The following PCNX2 variants were observed in gnomAD, a reference collection of about 807,000 sequenced individuals.
The protein encoded by PCNX2 is pecanex 2.
PCNX2 carries 168 observed loss-of-function variants against 223.8 expected under a neutral mutation model. That is an observed-to-expected ratio of 0.75 (90% CI 0.66 to 0.85). The LOEUF (loss-of-function observed/expected upper bound fraction) is 0.85, where lower values mean the gene tolerates loss of function less well. Ranked by LOEUF, PCNX2 falls within the 40% of genes least tolerant of loss-of-function variation. The pLI is 0.00. For synonymous variants in PCNX2, 1,006 were observed against 1,052.6 expected (o/e 0.96, Z 0.86); for missense variants, 2,507 against 2,675.5 (o/e 0.94, Z 1.39).
chr1:233,278,265 G>A (rs1023401014), intron 1 of PCNX2, among the ~76,000 whole-genome samples: 2 of 152,214 alleles, frequency 1.3e-5, no homozygotes, highest in South Asian at 4.1e-4. Context: ...ACAGTGGCAA[G>A]GGCAAACTGT....
the PCNX2 span, among the ~76,000 whole-genome samples, chr1:233,309,543 A>T: frequency 0.25 from 37,301 of 146,500 alleles, 5,428 homozygotes; most frequent in East Asian, 0.42. Flanking sequence ...TCCCTCAAAA[A>T]AATAATAATA....
rs1037731143 is a variant in PCNX2 at position 233,295,492 on chromosome 1, C to A, written c.-14G>T. The A allele has an allele frequency of 1.0e-5, 16 of 1,544,324 alleles. No homozygotes were observed. The highest frequency in any genetic ancestry group is 1.4e-5 in the Non-Finnish European group (16 of 1,144,202). On this transcript the variant is annotated 5_prime_UTR_variant, in exon 1 of 34. Transcript: ENST00000258229. The surrounding 1 kb of genome is among the most constrained non-coding windows in gnomAD (Gnocchi z 4.1). ...CTGGGACACCATGCCGGCTGCGCCCCGGGGCTGGTGAGCGCCCCGCTGCAC... is the reference window on the plus strand; with the variant it reads ...CTGGGACACCATGCCGGCTGCGCCCAGGGGCTGGTGAGCGCCCCGCTGCAC...
chr1:233,059,931 G>T (rs182172643), intron 23 of PCNX2, among the ~76,000 whole-genome samples: 1 of 152,202 alleles, frequency 6.6e-6, no homozygotes, highest in East Asian at 1.9e-4. Context: ...AAAGATATTT[G>T]GTTGGAACTA....
intron 23 of PCNX2, among the ~76,000 whole-genome samples, chr1:233,073,611 A>C (rs2357428): frequency 0.14 from 21,383 of 151,278 alleles, 1,939 homozygotes; most frequent in African/African-American, 0.25. Context: ...CTTTCTTATT[A>C]TTATTATTAT....
intron 25 of PCNX2, among the ~76,000 whole-genome samples, chr1:233,028,595 T>C (rs1248177042): frequency 6.6e-6 from 1 of 152,174 alleles, no homozygotes; most frequent in African/African-American, 2.4e-5. Context: ...TATTTTTAAA[T>C]AGCACAAAAC....
chr1:233,059,266 TC>T (rs1437545902), intron 23 of PCNX2, among the ~76,000 whole-genome samples: 1 of 152,206 alleles, frequency 6.6e-6, no homozygotes, highest in Non-Finnish European at 1.5e-5. Flanking sequence ...CCTGTACCTC[TC>T]TTTTGGAGCA....
In PCNX2 at chr1:233,126,507, GTGTGTGTGTT is replaced by G. The variant is rs771417841; in HGVS notation, c.3837+8496_3837+8505del. On this transcript the variant is annotated intron_variant, in intron 21 of 33. Transcript: ENST00000258229. The surrounding 1 kb of genome is among the most constrained non-coding windows in gnomAD (Gnocchi z 4.8). ...TTGATATTTTAAATTTGTGTGGTGT[GTGTGTGTGTT>G]TGTGTGTGTGTGTGTGTGTGTAAAT... Among the ~76,000 whole-genome samples the G allele has an allele frequency of 1.4e-5, 2 of 143,168 alleles. No homozygotes were observed. The highest frequency in any genetic ancestry group is 1.5e-4 in the Admixed American group (2 of 13,074). The allele number at this position is 143,168 out of a possible 152,430, so 93.9% of individuals were successfully genotyped here.
At chr1:233,059,464 T>C (rs1455291647) in intron 23 of PCNX2, among the ~76,000 whole-genome samples, 1 of 152,178 alleles carries the variant, frequency 6.6e-6, no homozygotes, top group Non-Finnish European at 1.5e-5. Context: ...AGAAATTAAA[T>C]AGAGTGCTCA....
At chr1:233,093,294 G>GT (rs1253042152) in intron 22 of PCNX2, among the ~76,000 whole-genome samples, 1 of 152,140 alleles carries the variant, frequency 6.6e-6, no homozygotes, top group African/African-American at 2.4e-5. Context: ...TTCCCTGGAG[G>GT]TTACAAGCTC....
chr1:233,263,055 C>T lies in PCNX2; in HGVS notation c.262G>A (p.Gly88Arg), dbSNP rs748940566. The stretch of plus-strand genomic sequence containing the variant: ...GAGGGCTTTTGCTGAATTACTTCTC[C>T]TTTGTCAAACATGAGGTGTAGGCGA... ...SYRLHLMFDK[G>R]EVIQQKPSRK... Residue 88 changes from glycine to arginine, a missense_variant, in exon 2 of 34, where the codon GGA becomes AGA. Coordinates refer to ENST00000258229, the MANE Select transcript of PCNX2 (RefSeq NM_014801.4). 6.2e-7 allele frequency: 1 copy of T among 1,613,676 alleles called. No homozygotes were observed. Among genetic ancestry groups the T allele is most frequent in the Admixed American group, 1.7e-5 (1 of 60,014 alleles).
intron 17 of PCNX2, among the ~76,000 whole-genome samples, chr1:233,168,898 AT>A (rs1179610058): frequency 6.6e-6 from 1 of 152,174 alleles, no homozygotes; most frequent in Non-Finnish European, 1.5e-5. Context: ...TACAAAAAAA[AT>A]GCCACCTCAT....
chr1:233,129,719 T>C (rs955193038), intron 21 of PCNX2, among the ~76,000 whole-genome samples: 2 of 152,152 alleles, frequency 1.3e-5, no homozygotes, highest in African/African-American at 2.4e-5. Flanking sequence ...GGTGGGGACT[T>C]GGAGAAACTT....
chr1:233,158,171 CA>C (rs1238758589), intron 19 of PCNX2, among the ~76,000 whole-genome samples: 1 of 152,052 alleles, frequency 6.6e-6, no homozygotes, highest in Non-Finnish European at 1.5e-5. Flanking sequence ...CAAAACAAAA[CA>C]AAACAAAAAA....
the PCNX2 span, among the ~76,000 whole-genome samples, chr1:233,307,384 C>T: frequency 6.6e-6 from 1 of 152,224 alleles, no homozygotes; most frequent in East Asian, 1.9e-4. Flanking sequence ...TGGCACCTCC[C>T]TCCTCTCTCT....
intron 17 of PCNX2, among the ~76,000 whole-genome samples, chr1:233,175,973 T>C (rs1308730405): frequency 1.3e-5 from 2 of 152,194 alleles, no homozygotes; most frequent in Non-Finnish European, 2.9e-5. Context: ...TGCAATTAAA[T>C]TCATCGAAAT....
At chr1:233,317,630 A>C in the PCNX2 span, among the ~76,000 whole-genome samples, 3 of 152,118 alleles carry the variant, frequency 2.0e-5, no homozygotes, top group African/African-American at 4.8e-5. Flanking sequence ...GGCACAGTGA[A>C]ATTGATCTTT....
chr1:233,054,438 G>T lies in PCNX2; in HGVS notation c.4181C>A (p.Thr1394Lys). 1 of 1,613,802 alleles carries T rather than the reference G, an allele frequency of 6.2e-7. No individual in the cohort carries two copies. The highest frequency in any genetic ancestry group is 8.5e-7 in the Non-Finnish European group (1 of 1,179,764). The part of the protein sequence containing the change: ...NLNSIFYEHL[T>K]RTLQESLCGD... Reference sequence around the variant, plus strand: ...ACAGAGGGACTCCTGGAGGGTCCTTGTCAAGTGTTCATAAAAAATGGAATT... The same window carrying T: ...ACAGAGGGACTCCTGGAGGGTCCTTTTCAAGTGTTCATAAAAAATGGAATT... Residue 1394 changes from threonine (T) to lysine (K), a missense_variant, in exon 25 of 34, where the codon ACA becomes AAA. This residue lies in a region of PCNX2 where 1,372 missense variants were observed against 1,509.4 expected (regional missense o/e 0.91). Coordinates refer to ENST00000258229, the MANE Select transcript of PCNX2 (RefSeq NM_014801.4).
rs1333915304 is a variant in PCNX2, at chr1:233,250,742, G to A, written c.2219C>T (p.Ala740Val). ...LPSNNDCLSQ[A>V]REMQVSSSST... is the part of the protein sequence containing the mutation. ...CTGGAAACAAAGCTCCACTCACCGA[G>A]CCTGAGAGAGACAGTCATTATTTGA... The change falls in exon 8 of 34, where the codon GCT becomes GTT. Residue 740 changes from alanine to valine, a missense_variant. Physicochemically the swap from Ala to Val is moderately conservative, Grantham distance 64. This residue lies in a region of PCNX2 where 1,031 missense variants were observed against 1,021.7 expected (regional missense o/e 1.01). Transcript: ENST00000258229. 6.2e-7 allele frequency: 1 copy of A among 1,603,582 alleles called. No individual in the cohort carries two copies. The highest frequency in any genetic ancestry group is 1.7e-5 in the Admixed American group (1 of 58,736).
At position 232,986,183 on chromosome 1, in the gene PCNX2, G is replaced by A. The variant is rs778033025; in HGVS notation, c.6149C>T (p.Ala2050Val). The change falls in exon 33 of 34, where the codon GCG becomes GTG. Residue 2050 changes from alanine (A) to valine (V), a missense_variant. Ala to Val is a moderately conservative substitution (Grantham distance 64). Around this residue, in one of 3 missense-constraint regions of PCNX2, gnomAD observed 1,372 missense variants for 1,509.4 expected, o/e 0.91. Coordinates refer to ENST00000258229, the MANE Select transcript of PCNX2 (RefSeq NM_014801.4). Reference sequence around the variant, plus strand: ...GGTGTCACTGGTATTGCCCCCCTCCGCAGCAGAGAGTCCGGAAATGACGAG... The same window carrying A: ...GGTGTCACTGGTATTGCCCCCCTCCACAGCAGAGAGTCCGGAAATGACGAG... ...SALVISGLSA[A>V]EGGNTSDTQS... 52 of 1,561,706 alleles carry A rather than the reference G, an allele frequency of 3.3e-5. No individual in the cohort carries two copies. The South Asian group carries it at 3.9e-4, about 12-fold the overall frequency.
Sources: gnomAD v4.1 joint callset for allele counts (sites outside exome capture counted in the v4.1 genomes callset) on GRCh38, gnomAD v4.1.1 for gene constraint, gnomAD v4.1.1 regional missense constraint, Gnocchi (gnomAD v3.1) non-coding constraint, MANE v1.5 for transcripts, NCBI Gene and HGNC (gene_info 2026-07-23, HGNC 2026-07-21) for gene names.